FNIP2: variants seen among roughly 807,000 people sequenced by gnomAD.
FNIP2 encodes the protein folliculin-interacting protein 2.
Under a neutral mutation model 108.7 loss-of-function variants are expected in FNIP2, and 32 were observed. The ratio of observed to expected loss-of-function variants is 0.29; its 90% CI spans 0.22 to 0.40. FNIP2 has a LOEUF of 0.40. FNIP2 is among the 10% of genes least tolerant of loss of function. The pLI is 1.00. For synonymous variants in FNIP2, 480 were observed against 496.7 expected (o/e 0.97, Z 0.45); for missense variants, 1,202 against 1,381.6 (o/e 0.87, Z 2.06).
chr4:158,844,852 T>C (rs1298916239), intron 7 of FNIP2, among the ~76,000 whole-genome samples: 1 of 152,260 alleles, frequency 6.6e-6, no homozygotes, highest in East Asian at 1.9e-4. Flanking sequence ...TTGAACTTGA[T>C]TGGCACATGC....
chr4:158,797,779 G>A (rs1255367359), intron 1 of FNIP2, among the ~76,000 whole-genome samples: 2 of 152,152 alleles, frequency 1.3e-5, no homozygotes, highest in African/African-American at 4.8e-5. Flanking sequence ...TGGGATGGAA[G>A]CTGCCATCTC....
chr4:158,799,173 C>T (rs535684346), intron 1 of FNIP2, among the ~76,000 whole-genome samples: 1 of 152,324 alleles, frequency 6.6e-6, no homozygotes, highest in African/African-American at 2.4e-5. Flanking sequence ...TCAATACTGA[C>T]AGCATTTTAG....
At chr4:158,808,428 A>T (rs1777088805) in intron 1 of FNIP2, among the ~76,000 whole-genome samples, 1 of 148,970 alleles carries the variant, frequency 6.7e-6, no homozygotes. Flanking sequence ...AGTGCTGAGA[A>T]TTTTTTTTTT....
Position 158,881,573 on chromosome 4 carries a change from G to A in FNIP2, c.2950-9873G>A, listed in dbSNP as rs1468258993. 2.6e-5 allele frequency among the ~76,000 whole-genome samples: 4 copies of A among 152,206 alleles called. No homozygotes were observed. In the East Asian group the frequency reaches 7.7e-4, roughly 29 times the overall value. ...CTGCCTGATTCTCCTGCCTCAGCCT[G>A]CCAAGTGCCTGTGATTGCAGGCGCG... On this transcript the variant is annotated intron_variant, in intron 14 of 16. Coordinates refer to ENST00000264433, the MANE Select transcript of FNIP2 (RefSeq NM_020840.3).
Position 158,868,126 on chromosome 4 carries a change from C to G in FNIP2, c.1490C>G (p.Ser497Cys), listed in dbSNP as rs566393052. The G allele has an allele frequency of 6.2e-7, 1 of 1,613,980 alleles. No homozygotes were observed. Among genetic ancestry groups the G allele is most frequent in the South Asian group, 1.1e-5 (1 of 91,052 alleles). ...GGTGATCTTTACGGAGCCATAGGCT[C>G]TCCAGTGAGACTGACTCGCACCGTA... Reference protein sequence around the residue: ...QLGDLYGAIGSPVRLTRTVVV... With the variant: ...QLGDLYGAIGCPVRLTRTVVV... The change falls in exon 13 of 17, where the codon TCT (serine) becomes TGT (cysteine). Residue 497 changes from serine to cysteine, a missense_variant. By Grantham distance (112) the Ser-to-Cys change is moderately radical. This residue lies in a region of FNIP2 where 878 missense variants were observed against 990.3 expected (regional missense o/e 0.89). Coordinates refer to ENST00000264433, the MANE Select transcript of FNIP2 (RefSeq NM_020840.3). This position sits in a 1 kb window ranked among gnomAD's most constrained non-coding sequence, Gnocchi z 4.6.
At chr4:158,832,410 T>C (rs1778535134) in intron 5 of FNIP2, among the ~76,000 whole-genome samples, 1 of 152,080 alleles carries the variant, frequency 6.6e-6, no homozygotes. Flanking sequence ...TCCTGGGAAA[T>C]CAAAAATAAA....
chr4:158,895,489 G>GA (rs1321526483), intron 15 of FNIP2, among the ~76,000 whole-genome samples: 3 of 152,020 alleles, frequency 2.0e-5, no homozygotes, highest in African/African-American at 7.2e-5. Context: ...TTTCAACTAT[G>GA]AAAAAAATAC....
intron 1 of FNIP2, among the ~76,000 whole-genome samples, chr4:158,804,208 C>G (rs988544069): frequency 6.6e-6 from 1 of 152,100 alleles, no homozygotes; most frequent in African/African-American, 2.4e-5. Flanking sequence ...TCCCAAAATG[C>G]TGGGATTATA....
Position 158,904,562 on chromosome 4 carries a change from T to A in FNIP2, c.*18T>A, listed in dbSNP as rs764642542. On this transcript the variant is annotated 3_prime_UTR_variant, in exon 17 of 17. Coordinates refer to ENST00000264433, the MANE Select transcript of FNIP2 (RefSeq NM_020840.3). The stretch of plus-strand genomic sequence containing the variant: ...TCTTATAAGCTAAAGCTCAGGACAG[T>A]TCTTCCTTGGAAGAAAAAAATCAAA... 6.2e-6 allele frequency: 10 copies of A among 1,604,588 alleles called. No individual in the cohort carries two copies. The highest frequency in any genetic ancestry group is 1.7e-5 in the Admixed American group (1 of 59,530).
intron 1 of FNIP2, among the ~76,000 whole-genome samples, chr4:158,789,512 C>A (rs1239519451): frequency 6.6e-6 from 1 of 152,136 alleles, no homozygotes; most frequent in East Asian, 1.9e-4. Context: ...GTGCTCTGAG[C>A]TCTAAAAGTA....
Position 158,851,412 on chromosome 4 carries a change from T to A in FNIP2, c.819T>A (p.Ser273Arg), listed in dbSNP as rs1179689249. The A allele has an allele frequency of 6.2e-7, 1 of 1,613,822 alleles. No homozygotes were observed. Among genetic ancestry groups the A allele is most frequent in the Non-Finnish European group, 8.5e-7 (1 of 1,179,872 alleles). ...GTTACCAGCGCCGCTGGCTTCGAAG[T>A]CAGACAACAAGTTTGGAAAATGGCA... Reference protein sequence around the residue: ...SSSYQRRWLRSQTTSLENGII... With the variant: ...SSSYQRRWLRRQTTSLENGII... Residue 273 changes from serine to arginine, a missense_variant, in exon 8 of 17, where the codon AGT becomes AGA. By Grantham distance (110) the Ser-to-Arg change is moderately radical. Transcript: ENST00000264433.
chr4:158,805,545 A>C (rs1355036565), intron 1 of FNIP2, among the ~76,000 whole-genome samples: 2 of 152,140 alleles, frequency 1.3e-5, no homozygotes, highest in Admixed American at 1.3e-4. Context: ...TGCTTGTATT[A>C]AAGCAAGGAT....
At chr4:158,812,985 C>T (rs1777361973) in intron 1 of FNIP2, among the ~76,000 whole-genome samples, 1 of 151,974 alleles carries the variant, frequency 6.6e-6, no homozygotes, top group Admixed American at 6.6e-5. Context: ...TAGAATCATA[C>T]AGTATGTACC....
At chr4:158,886,115 G>C (rs1469552736) in intron 14 of FNIP2, among the ~76,000 whole-genome samples, 1 of 152,164 alleles carries the variant, frequency 6.6e-6, no homozygotes, top group African/African-American at 2.4e-5. Context: ...TAATAGCAAA[G>C]AAAACTCAAT....
rs187544313 is a variant in FNIP2, at chr4:158,853,452, G to T, written c.857+2002G>T. Among the ~76,000 whole-genome samples, 47 of 152,278 alleles carry T rather than the reference G, an allele frequency of 3.1e-4. No individual in the cohort carries two copies. In the East Asian group the frequency reaches 8.9e-3, roughly 29 times the overall value. ...GCAGGTTTGTTACATATGTATACAT[G>T]TGCCATGTTGGTGTGCTGCACCCAT... On this transcript the variant is annotated intron_variant, in intron 8 of 16. Coordinates refer to ENST00000264433, the MANE Select transcript of FNIP2 (RefSeq NM_020840.3).
chr4:158,889,830 C>T lies in FNIP2; in HGVS notation c.2950-1616C>T, dbSNP rs970286420. ...CTTTTTTTTTTTTTTCCATAAGGAC[C>T]AGACTCATTGATGGCAAGTCGTCAT... On this transcript the variant is annotated intron_variant, in intron 14 of 16. Coordinates refer to ENST00000264433, the MANE Select transcript of FNIP2 (RefSeq NM_020840.3). 24 of 983,628 alleles carry T rather than the reference C, an allele frequency of 2.4e-5. No individual in the cohort carries two copies. The Middle Eastern group carries it at 1.6e-3, about 64-fold the overall frequency. The allele number at this position is 983,628 out of a possible 1,614,324, so 60.9% of individuals were successfully genotyped here. A position where few individuals can be genotyped will look rare whatever the true frequency, so the allele number is the denominator to read the frequency against.
At chr4:158,782,589 C>A (rs1776090183) in intron 1 of FNIP2, among the ~76,000 whole-genome samples, 1 of 150,288 alleles carries the variant, frequency 6.7e-6, no homozygotes, top group African/African-American at 2.5e-5. Flanking sequence ...ATTTCACAAA[C>A]ATTTATGAGG....
intron 1 of FNIP2, among the ~76,000 whole-genome samples, chr4:158,778,075 T>C (rs1644224336): frequency 6.6e-6 from 1 of 152,228 alleles, no homozygotes; most frequent in African/African-American, 2.4e-5. Flanking sequence ...AATTCATGTA[T>C]AACACTTAAC....
chr4:158,899,828 T>TA (rs1444686502), intron 16 of FNIP2, among the ~76,000 whole-genome samples: 14 of 152,316 alleles, frequency 9.2e-5, no homozygotes, highest in African/African-American at 3.1e-4. Context: ...TTGAAGGGTT[T>TA]TTTGTGTCTC....
Sources: gnomAD v4.1 joint callset for allele counts (sites outside exome capture counted in the v4.1 genomes callset) on GRCh38, gnomAD v4.1.1 for gene constraint, gnomAD v4.1.1 regional missense constraint, Gnocchi (gnomAD v3.1) non-coding constraint, MANE v1.5 for transcripts, NCBI Gene and HGNC (gene_info 2026-07-23, HGNC 2026-07-21) for gene names.